The following HMGCLL1 variants were observed in gnomAD, a reference collection of about 807,000 sequenced individuals.
The protein encoded by HMGCLL1 is 3-hydroxy-3-methylglutaryl-CoA lyase like 1.
HMGCLL1 carries 36 observed loss-of-function variants against 39.1 expected under a neutral mutation model. The observed-to-expected ratio is 0.92, with a 90% CI of 0.71 to 1.22. The LOEUF is 1.22. Among genes scored for constraint, HMGCLL1 ranks in the 50% most tolerant of loss-of-function variants. HMGCLL1 has a pLI of 0.00. For missense variants in HMGCLL1, 451 were observed against 416.5 expected (o/e 1.08, Z -0.72); for synonymous variants, 149 against 144.0 (o/e 1.03, Z -0.25).
chr6:55,585,626 TA>T, the HMGCLL1 span, among the ~76,000 whole-genome samples: 2 of 152,126 alleles, frequency 1.3e-5, no homozygotes, highest in Non-Finnish European at 2.9e-5. Flanking sequence ...AAGCATTTAG[TA>T]TTTTTCTTTG....
At chr6:55,579,301 T>C (rs1287067674), upstream of HMGCLL1, 3 of 578,764 alleles carry the variant, frequency 5.2e-6, no homozygotes, top group Admixed American at 3.0e-5. Context: ...GCCGAGCACC[T>C]GAACAGGAGA....
intron 7 of HMGCLL1, among the ~76,000 whole-genome samples, chr6:55,467,483 G>C (rs1241365527): frequency 6.6e-6 from 1 of 151,966 alleles, no homozygotes; most frequent in East Asian, 1.9e-4. Context: ...ATAAGAGCAA[G>C]AGCTCCATTA....
chr6:55,677,585 C>A, the HMGCLL1 span, among the ~76,000 whole-genome samples: 1 of 152,132 alleles, frequency 6.6e-6, no homozygotes, highest in African/African-American at 2.4e-5. Flanking sequence ...GGGGATTGCA[C>A]TAAAGTAATT....
At chr6:55,447,072 T>C (rs1407461922) in intron 7 of HMGCLL1, among the ~76,000 whole-genome samples, 2 of 152,040 alleles carry the variant, frequency 1.3e-5, no homozygotes, top group Non-Finnish European at 2.9e-5. Context: ...AACTTGTTTC[T>C]CATAGCTACT....
intron 6 of HMGCLL1, among the ~76,000 whole-genome samples, chr6:55,497,279 A>C (rs576799286): frequency 5.3e-5 from 8 of 151,838 alleles, no homozygotes; most frequent in Non-Finnish European, 1.2e-4. Flanking sequence ...ACAACAAAAC[A>C]CCTTCTTTTA....
chr6:55,469,304 T>G (rs1331857480), intron 7 of HMGCLL1, among the ~76,000 whole-genome samples: 1 of 150,498 alleles, frequency 6.6e-6, no homozygotes, highest in African/African-American at 2.4e-5. Context: ...CATCTACATA[T>G]TCACACATCC....
intron 8 of HMGCLL1, among the ~76,000 whole-genome samples, chr6:55,438,326 G>A (rs149457653): frequency 2.0e-5 from 3 of 152,166 alleles, no homozygotes; most frequent in African/African-American, 7.2e-5. Flanking sequence ...AAATATTTAT[G>A]GAGCATCTTT....
chr6:55,632,558 A>G, the HMGCLL1 span, among the ~76,000 whole-genome samples: 1 of 151,986 alleles, frequency 6.6e-6, no homozygotes, highest in East Asian at 1.9e-4. Flanking sequence ...GATTCAACTT[A>G]CTAGAACAGA....
intron 1 of HMGCLL1, chr6:55,577,101 C>T: frequency 1.2e-6 from 2 of 1,613,348 alleles, no homozygotes; most frequent in Non-Finnish European, 1.7e-6. Flanking sequence ...GCCACCGTGC[C>T]TGCCAAGGAG....
chr6:55,461,602 G>T (rs2127396216), intron 7 of HMGCLL1, among the ~76,000 whole-genome samples: 1 of 152,074 alleles, frequency 6.6e-6, no homozygotes, highest in Non-Finnish European at 1.5e-5. Context: ...GCTATAAACT[G>T]GTTTGTTTTT....
the HMGCLL1 span, among the ~76,000 whole-genome samples, chr6:55,678,539 A>G: frequency 6.6e-6 from 1 of 152,170 alleles, no homozygotes; most frequent in Non-Finnish European, 1.5e-5. Context: ...TGATAAGCTC[A>G]CTGATATTGA....
At chr6:55,475,053 T>A (rs1363495560) in intron 7 of HMGCLL1, among the ~76,000 whole-genome samples, 1 of 151,526 alleles carries the variant, frequency 6.6e-6, no homozygotes, top group Non-Finnish European at 1.5e-5. Context: ...CCTGTGGGTT[T>A]TAAATGTTGA....
At chr6:55,622,595 C>T in the HMGCLL1 span, among the ~76,000 whole-genome samples, 1 of 152,006 alleles carries the variant, frequency 6.6e-6, no homozygotes, top group Non-Finnish European at 1.5e-5. Context: ...ATCTTTGCAT[C>T]CCAGGAATGA....
intron 5 of HMGCLL1, among the ~76,000 whole-genome samples, chr6:55,509,182 G>A (rs1004633381): frequency 6.6e-6 from 1 of 151,862 alleles, no homozygotes; most frequent in Non-Finnish European, 1.5e-5. Flanking sequence ...ACATAATGAT[G>A]ATTGAATTGT....
At chr6:55,664,286 T>G in the HMGCLL1 span, among the ~76,000 whole-genome samples, 1 of 151,762 alleles carries the variant, frequency 6.6e-6, no homozygotes, top group African/African-American at 2.4e-5. Flanking sequence ...TGTATTTAAG[T>G]ATGTTTCTGT....
chr6:55,632,294 G>T, the HMGCLL1 span, among the ~76,000 whole-genome samples: 13 of 151,780 alleles, frequency 8.6e-5, no homozygotes, highest in Non-Finnish European at 1.6e-4. Context: ...TACATCTAAG[G>T]ATTCTTATAA....
intron 7 of HMGCLL1, among the ~76,000 whole-genome samples, chr6:55,458,124 T>C (rs1461749750): frequency 6.6e-6 from 1 of 152,232 alleles, no homozygotes; most frequent in African/African-American, 2.4e-5. Context: ...AAATGATTTA[T>C]TACTGTTAAA....
chr6:55,649,021 C>T, the HMGCLL1 span, among the ~76,000 whole-genome samples: 1 of 152,032 alleles, frequency 6.6e-6, no homozygotes, highest in Non-Finnish European at 1.5e-5. Context: ...CTCTTCATGT[C>T]TTATTGTACT....
chr6:55,475,974 T>C (rs1005890123), intron 7 of HMGCLL1, among the ~76,000 whole-genome samples: 1 of 151,702 alleles, frequency 6.6e-6, no homozygotes, highest in Non-Finnish European at 1.5e-5. Context: ...CTATCACACA[T>C]CTTAATTATT....
Sources: allele counts gnomAD v4.1 joint callset (sites outside exome capture counted in the v4.1 genomes callset), GRCh38; gene constraint gnomAD v4.1.1; transcripts MANE v1.5; gene names NCBI Gene and HGNC (gene_info 2026-07-23, HGNC 2026-07-21).